Variants in AP4E1 observed in about 807,000 individuals in gnomAD.
AP4E1 encodes the protein AP-4 complex subunit epsilon-1.
In AP4E1, 56 loss-of-function variants were observed where a neutral mutation model predicts 128.2. That is an observed-to-expected ratio of 0.44 (90% CI 0.35 to 0.55). The LOEUF (loss-of-function observed/expected upper bound fraction) is 0.55, where lower values mean the gene tolerates loss of function less well. Among genes scored for constraint, AP4E1 ranks in the 20% least tolerant of loss-of-function variants. The pLI is 0.00. For missense variants in AP4E1, 1,324 were observed against 1,307.7 expected (o/e 1.01, Z -0.19); for synonymous variants, 484 against 473.1 (o/e 1.02, Z -0.30).
intron 5 of AP4E1, among the ~76,000 whole-genome samples, chr15:50,927,132 ACTT>A (rs2063778821): frequency 1.3e-5 from 2 of 152,228 alleles, no homozygotes; most frequent in South Asian, 4.1e-4. Context: ...CCTTACCACT[ACTT>A]TTGTGGTGAC....
At chr15:50,960,624 C>T (rs1360866813) in intron 14 of AP4E1, among the ~76,000 whole-genome samples, 1 of 151,758 alleles carries the variant, frequency 6.6e-6, no homozygotes, top group Non-Finnish European at 1.5e-5. Flanking sequence ...TGTAATATGG[C>T]AAAAACAGTG....
At chr15:50,955,289 G>T (rs926974192) in intron 13 of AP4E1, among the ~76,000 whole-genome samples, 1 of 152,198 alleles carries the variant, frequency 6.6e-6, no homozygotes, top group Non-Finnish European at 1.5e-5. Flanking sequence ...CTAGTTTACA[G>T]TCCCACCGAC....
chr15:50,997,630 A>G lies in AP4E1; in HGVS notation c.2651A>G (p.Glu884Gly). The change falls in exon 18 of 21, where the codon GAA becomes GGA. Residue 884 changes from glutamate (E) to glycine (G), a missense_variant. By Grantham distance (98) the Glu-to-Gly change is moderately conservative. Coordinates refer to ENST00000261842, the MANE Select transcript of AP4E1 (RefSeq NM_007347.5). The stretch of plus-strand genomic sequence containing the variant: ...TCATTGTTTGCTAATAACAACATGG[A>G]AATTTTTCACCCTCCTCAATCTACT... ...TPSLFANNNM[E>G]IFHPPQSTAA... The G allele has an allele frequency of 6.2e-7, 1 of 1,614,072 alleles. No individual in the cohort carries two copies. The highest frequency in any genetic ancestry group is 1.1e-5 in the South Asian group (1 of 91,078).
At chr15:50,962,755 C>T (rs1173769026) in intron 14 of AP4E1, among the ~76,000 whole-genome samples, 1 of 151,586 alleles carries the variant, frequency 6.6e-6, no homozygotes, top group African/African-American at 2.4e-5. Flanking sequence ...ACAAATGGGA[C>T]TGTATTAAGG....
intron 3 of AP4E1, among the ~76,000 whole-genome samples, chr15:50,923,386 A>T (rs2063730067): frequency 6.6e-6 from 1 of 152,170 alleles, no homozygotes. Flanking sequence ...TTTCTTTCCT[A>T]AATAATTGTT....
At chr15:50,953,848 A>G (rs775109307) in intron 13 of AP4E1, among the ~76,000 whole-genome samples, 2 of 152,206 alleles carry the variant, frequency 1.3e-5, no homozygotes, top group Non-Finnish European at 2.9e-5. Context: ...AAGGAAAAAA[A>G]AATCCTGTTT....
chr15:50,967,839 A>G (rs961859380), intron 14 of AP4E1, among the ~76,000 whole-genome samples: 4 of 152,168 alleles, frequency 2.6e-5, no homozygotes, highest in Non-Finnish European at 4.4e-5. Flanking sequence ...TTGAGACAGA[A>G]TCTTGTTCTG....
chr15:50,975,081 A>C (rs977793125), intron 15 of AP4E1, among the ~76,000 whole-genome samples: 2 of 152,104 alleles, frequency 1.3e-5, no homozygotes, highest in African/African-American at 4.8e-5. Context: ...TGTCATATCC[A>C]TGAAATTATT....
intron 5 of AP4E1, 136 bp from the exon 6 acceptor site, chr15:50,928,873 A>T: frequency 2.3e-6 from 2 of 855,110 alleles, no homozygotes; most frequent in Non-Finnish European, 3.6e-6. Context: ...TAAATTAATC[A>T]CAAATGTATA....
At position 50,993,450 on chromosome 15, in the gene AP4E1, G is replaced by T; in HGVS notation, c.2171G>T (p.Gly724Val). The stretch of plus-strand genomic sequence containing the variant: ...CTTCCCAAGAAGGAAAGCAAAACTG[G>T]TGATGAAAGTGGAGCTCTGCCTGTT... ...GYLPKKESKT[G>V]DESGALPVPQ... Residue 724 changes from glycine (G) to valine (V), a missense_variant, in exon 17 of 21, where the codon GGT (glycine) becomes GTT (valine). Coordinates refer to ENST00000261842, the MANE Select transcript of AP4E1 (RefSeq NM_007347.5). The T allele has an allele frequency of 6.2e-7, 1 of 1,613,964 alleles. No individual in the cohort carries two copies. Among genetic ancestry groups the T allele is most frequent in the African/African-American group, 1.3e-5 (1 of 75,040 alleles).
intron 17 of AP4E1, 78 bp from the exon 18 acceptor site, chr15:50,997,248 T>C: frequency 2.3e-6 from 3 of 1,291,440 alleles, no homozygotes; most frequent in South Asian, 3.3e-5. Context: ...ATTGCTGATT[T>C]GAAATTATAG....
At chr15:50,983,875 T>G (rs938669225) in intron 15 of AP4E1, 147 bp from the exon 16 acceptor site, 5 of 690,026 alleles carry the variant, frequency 7.2e-6, no homozygotes, top group African/African-American at 5.4e-5. Context: ...TTACTGTAAG[T>G]ATTTGATTAG....
At chr15:50,946,266 A>G (rs139726527) in intron 10 of AP4E1, among the ~76,000 whole-genome samples, 155 of 152,342 alleles carry the variant, frequency 1.0e-3, no homozygotes, top group African/African-American at 3.5e-3. Flanking sequence ...TATACTCTGT[A>G]TATTCTCTCT....
chr15:50,999,021 G>A (rs1408103345), intron 18 of AP4E1, 51 bp from the exon 19 acceptor site: 1 of 1,531,640 alleles, frequency 6.5e-7, no homozygotes, highest in Admixed American at 1.7e-5. Context: ...TCATGTAATA[G>A]TCTGTATTGA....
At chr15:50,996,241 G>A (rs992430620) in intron 17 of AP4E1, among the ~76,000 whole-genome samples, 5 of 146,566 alleles carry the variant, frequency 3.4e-5, no homozygotes, top group South Asian at 4.3e-4. Flanking sequence ...CAAGTGATCC[G>A]CCTGCTTCAG....
Position 50,934,650 on chromosome 15 carries a change from TTGA to T in AP4E1, c.900_902del (p.Asp300del). On this transcript the variant is annotated inframe_deletion, in exon 8 of 21. Transcript: ENST00000261842. ...ACAAGTGAATTAATGTATGATGTTCTTGATGAATCCTTACGAAGAGCTGAGTTA... is the reference window on the plus strand; with the variant it reads ...ACAAGTGAATTAATGTATGATGTTCTTGAATCCTTACGAAGAGCTGAGTTA... The T allele has an allele frequency of 6.2e-7, 1 of 1,609,084 alleles. No individual in the cohort carries two copies. Among genetic ancestry groups the T allele is most frequent in the Non-Finnish European group, 8.5e-7 (1 of 1,175,910 alleles).
intron 2 of AP4E1, among the ~76,000 whole-genome samples, chr15:50,913,967 G>A (rs1394025795): frequency 6.6e-6 from 1 of 151,934 alleles, no homozygotes; most frequent in Non-Finnish European, 1.5e-5. Flanking sequence ...ACAGGCGCAG[G>A]TCCCCACGCC....
intron 15 of AP4E1, among the ~76,000 whole-genome samples, chr15:50,972,368 C>T (rs188850295): frequency 1.2e-4 from 18 of 152,134 alleles, no homozygotes; most frequent in South Asian, 4.2e-4. Context: ...CACACCACCA[C>T]GCCTGGCTAA....
rs902382014 is a variant in AP4E1, at chr15:50,980,916, C to G, written c.1967-3106C>G. Among the ~76,000 whole-genome samples, 5 of 152,162 alleles carry G rather than the reference C, an allele frequency of 3.3e-5. No homozygotes were observed. The East Asian group carries it at 9.6e-4, about 29-fold the overall frequency. ...AGAGCCATGGGGTCATGGCGTCCTC[C>G]ACCTAGATTTCAGAAGATGTCGTGG... is the stretch of plus-strand genomic sequence containing the variant. On this transcript the variant is annotated intron_variant, in intron 15 of 20. Transcript: ENST00000261842.
Sources: allele counts gnomAD v4.1 joint callset (sites outside exome capture counted in the v4.1 genomes callset), GRCh38; gene constraint gnomAD v4.1.1; transcripts MANE v1.5; gene names NCBI Gene and HGNC (gene_info 2026-07-23, HGNC 2026-07-21).